The following PCDHGB7 variants were observed in gnomAD, a reference collection of about 807,000 sequenced individuals.
PCDHGB7 encodes protocadherin gamma-B7.
PCDHGB7 carries 37 observed loss-of-function variants against 61.4 expected under a neutral mutation model. That is an observed-to-expected ratio of 0.60 (90% CI 0.46 to 0.79). The LOEUF is 0.79. PCDHGB7 is among the 30% of genes least tolerant of loss of function. PCDHGB7 has a pLI of 0.00. For missense variants in PCDHGB7, 1,166 were observed against 1,202.5 expected, an observed-to-expected ratio of 0.97 and a Z score of 0.45; for synonymous variants, 464 against 503.5, an observed-to-expected ratio of 0.92 and a Z score of 1.05.
intron 1 of PCDHGB7, among the ~76,000 whole-genome samples, chr5:141,453,288 ATTAT>A (rs577328880): frequency 4.0e-5 from 6 of 151,342 alleles, no homozygotes; most frequent in Admixed American, 1.3e-4. Context: ...TAATTTTTTA[ATTAT>A]TTATTTATTT....
chr5:141,444,467 G>A (rs1288596542), intron 1 of PCDHGB7, among the ~76,000 whole-genome samples: 3 of 151,998 alleles, frequency 2.0e-5, no homozygotes, highest in African/African-American at 4.8e-5. Flanking sequence ...CACTGCGCCC[G>A]GTCGCGTACT....
chr5:141,421,312 GC>G, intron 1 of PCDHGB7: 1 of 1,613,748 alleles, frequency 6.2e-7, no homozygotes, highest in Non-Finnish European at 8.5e-7. Flanking sequence ...GGGGTTCCGG[GC>G]CAGGCAGATC....
chr5:141,430,804 G>T, intron 1 of PCDHGB7: 2 of 1,525,868 alleles, frequency 1.3e-6, no homozygotes, highest in Non-Finnish European at 1.8e-6. Context: ...GGCTTGTCCT[G>T]CTGGGAATCC....
chr5:141,429,760 C>T (rs1036499079), intron 1 of PCDHGB7, among the ~76,000 whole-genome samples: 2 of 152,020 alleles, frequency 1.3e-5, no homozygotes, highest in Non-Finnish European at 2.9e-5. Context: ...AATTTTTTCC[C>T]TATATTTTGA....
intron 1 of PCDHGB7, among the ~76,000 whole-genome samples, chr5:141,484,211 G>A (rs1362875959): frequency 6.6e-6 from 1 of 152,158 alleles, no homozygotes; most frequent in Non-Finnish European, 1.5e-5. Context: ...ATGAACATTA[G>A]CATTCTGCCA....
intron 3 of PCDHGB7, among the ~76,000 whole-genome samples, chr5:141,507,784 T>C (rs2099863290): frequency 6.6e-6 from 1 of 152,136 alleles, no homozygotes; most frequent in Non-Finnish European, 1.5e-5. Context: ...GGCCTGACCC[T>C]CGTCTAAGCC....
intron 1 of PCDHGB7, among the ~76,000 whole-genome samples, chr5:141,445,119 T>C (rs975225604): frequency 1.3e-5 from 2 of 152,270 alleles, no homozygotes; most frequent in African/African-American, 4.8e-5. Context: ...TTGTAAATAG[T>C]ATTTTTAAAA....
At chr5:141,496,808 G>A (rs1387209844) in intron 2 of PCDHGB7, among the ~76,000 whole-genome samples, 3 of 151,736 alleles carry the variant, frequency 2.0e-5, no homozygotes, top group South Asian at 4.2e-4. Flanking sequence ...GGCTATAGGA[G>A]TGAACAAGTA....
In PCDHGB7 at chr5:141,432,126, C is replaced by G. The variant is rs750150518; in HGVS notation, c.2415+11852C>G. 12 of 1,614,026 alleles carry G rather than the reference C, an allele frequency of 7.4e-6. No homozygotes were observed. Among genetic ancestry groups the G allele is most frequent in the South Asian group, 4.4e-5 (4 of 91,062 alleles). On this transcript the variant is annotated intron_variant, in intron 1 of 3. Transcript: ENST00000398594. The surrounding 1 kb of genome is among the most constrained non-coding windows in gnomAD (Gnocchi z 6.0). ...AACCCGCCGGTCTTCCCTCAGGCCT[C>G]CTATTCCGCTTATATCCCAGAGAAC...
intron 1 of PCDHGB7, among the ~76,000 whole-genome samples, chr5:141,482,811 C>T (rs1397161943): frequency 2.0e-5 from 3 of 152,164 alleles, no homozygotes; most frequent in Non-Finnish European, 4.4e-5. Context: ...GTGGCTCATG[C>T]CTGTAATCCT....
In PCDHGB7 at chr5:141,485,972, T is replaced by G; in HGVS notation, c.2416-8835T>G. ...CATGGTGCTCATCCAGCTCAATGCC[T>G]CAGACCCGGACCTGGGTCCCAGTGG... On this transcript the variant is annotated intron_variant, in intron 1 of 3. Transcript: ENST00000398594. The surrounding 1 kb of genome is among the most constrained non-coding windows in gnomAD (Gnocchi z 5.7). 1 of 1,614,184 alleles carries G rather than the reference T, an allele frequency of 6.2e-7. No individual in the cohort carries two copies. Among genetic ancestry groups the G allele is most frequent in the Non-Finnish European group, 8.5e-7 (1 of 1,180,022 alleles).
In PCDHGB7 at chr5:141,471,046, CTTT is replaced by C. The variant is rs1170588345; in HGVS notation, c.2416-23743_2416-23741del. ...ATTTTTATTAACAAGCCCAAGCCCT[CTTT>C]TTTTTTTTTTTTTTTTTGAGACAGG... On this transcript the variant is annotated intron_variant, in intron 1 of 3. Coordinates refer to ENST00000398594, the MANE Select transcript of PCDHGB7 (RefSeq NM_018927.4). 4.8e-4 allele frequency among the ~76,000 whole-genome samples: 54 copies of C among 113,240 alleles called. 1 individual carries two copies. Among genetic ancestry groups the C allele is most frequent in the Middle Eastern group, 5.2e-3 (1 of 192 alleles). 74.3% of individuals were successfully genotyped at this position (113,240 alleles called of 152,430 possible).
Position 141,494,803 on chromosome 5 carries a change from A to G in PCDHGB7, c.2416-4A>G. On this transcript the variant is annotated splice_polypyrimidine_tract_variant and splice_region_variant and intron_variant, in intron 1 of 3. Transcript: ENST00000398594. ...CAGCCCCTTTCCCTCTGTTTTCTCC[A>G]CAGCAAGCCCCGCCCAACACGGACT... The G allele has an allele frequency of 6.2e-7, 1 of 1,613,646 alleles. No individual in the cohort carries two copies. Among genetic ancestry groups the G allele is most frequent in the Non-Finnish European group, 8.5e-7 (1 of 1,179,900 alleles).
chr5:141,429,234 T>C (rs2097199038), intron 1 of PCDHGB7: 1 of 152,114 alleles, frequency 6.6e-6, no homozygotes, highest in African/African-American at 2.4e-5. Context: ...ATGATACTGC[T>C]GTCATTGAGA....
chr5:141,432,087 C>G lies in PCDHGB7; in HGVS notation c.2415+11813C>G. On this transcript the variant is annotated intron_variant, in intron 1 of 3. Coordinates refer to ENST00000398594, the MANE Select transcript of PCDHGB7 (RefSeq NM_018927.4). This position sits in a 1 kb window ranked among gnomAD's most constrained non-coding sequence, Gnocchi z 6.0. ...GAAACTCATATCTCGCTGAACGTGG[C>G]AGACACCAACGACAACCCGCCGGTC... 3 of 1,614,178 alleles carry G rather than the reference C, an allele frequency of 1.9e-6. No homozygotes were observed. The highest frequency in any genetic ancestry group is 2.5e-6 in the Non-Finnish European group (3 of 1,180,042).
rs1554116817 is a variant in PCDHGB7 at position 141,423,755 on chromosome 5, G to GGC, written c.2415+3482_2415+3483insCG. 3 of 512,420 alleles carry GGC rather than the reference G, an allele frequency of 5.9e-6. No individual in the cohort carries two copies. The African/African-American group carries it at 8.1e-5, about 14-fold the overall frequency. 31.7% of individuals were successfully genotyped at this position (512,420 alleles called of 1,614,324 possible). A position where few individuals can be genotyped will look rare whatever the true frequency, so the allele number is the denominator to read the frequency against. On this transcript the variant is annotated intron_variant, in intron 1 of 3. Coordinates refer to ENST00000398594, the MANE Select transcript of PCDHGB7 (RefSeq NM_018927.4). ...AGCCTGTTATGAAAACTGTTTGGGGGGGGGGTGGGGCGGCATATATTTAGT... is the reference window on the plus strand; with the variant it reads ...AGCCTGTTATGAAAACTGTTTGGGGGGCGGGGGTGGGGCGGCATATATTTAGT...
At position 141,431,850 on chromosome 5, in the gene PCDHGB7, C is replaced by T; in HGVS notation, c.2415+11576C>T. On this transcript the variant is annotated intron_variant, in intron 1 of 3. Transcript: ENST00000398594. The surrounding 1 kb of genome is among the most constrained non-coding windows in gnomAD (Gnocchi z 4.8). ...GTTCCCGAAAACTCTCCCAGAGGGA[C>T]ATTAATTGCCCTTTTAAATGTAAAT... The T allele has an allele frequency of 1.9e-6, 3 of 1,614,234 alleles. No homozygotes were observed. The highest frequency in any genetic ancestry group is 2.2e-5 in the South Asian group (2 of 91,090).
In PCDHGB7 at chr5:141,487,761, C is replaced by T. The variant is rs1331182183; in HGVS notation, c.2416-7046C>T. Reference sequence around the variant, plus strand: ...GTAAGAGGTAACTATGTGGTAGACGCTGTGCTTTGTAACTGTTTCGTGAAT... The same window carrying T: ...GTAAGAGGTAACTATGTGGTAGACGTTGTGCTTTGTAACTGTTTCGTGAAT... On this transcript the variant is annotated intron_variant, in intron 1 of 3. Coordinates refer to ENST00000398594, the MANE Select transcript of PCDHGB7 (RefSeq NM_018927.4). The surrounding 1 kb of genome is among the most constrained non-coding windows in gnomAD (Gnocchi z 5.0). 3.2e-6 allele frequency: 5 copies of T among 1,545,926 alleles called. No individual in the cohort carries two copies. Among genetic ancestry groups the T allele is most frequent in the South Asian group, 1.2e-5 (1 of 83,534 alleles).
rs756466649 is a variant in PCDHGB7, at chr5:141,495,663, G to A, written c.2474+798G>A. 1.1e-3 allele frequency among the ~76,000 whole-genome samples: 169 copies of A among 152,164 alleles called. 3 individuals are homozygous for A. The highest frequency in any genetic ancestry group is 1.9e-3 in the Admixed American group (29 of 15,272). ...TTGTCTACTTGCATTGATCTGTGCCGCCCACTGTGCCTGCCATGGCATAAG... is the reference window on the plus strand; with the variant it reads ...TTGTCTACTTGCATTGATCTGTGCCACCCACTGTGCCTGCCATGGCATAAG... On this transcript the variant is annotated intron_variant, in intron 2 of 3. Coordinates refer to ENST00000398594, the MANE Select transcript of PCDHGB7 (RefSeq NM_018927.4).
Sources: gnomAD v4.1 joint callset for allele counts (sites outside exome capture counted in the v4.1 genomes callset) on GRCh38, gnomAD v4.1.1 for gene constraint, Gnocchi (gnomAD v3.1) non-coding constraint, MANE v1.5 for transcripts, NCBI Gene and HGNC (gene_info 2026-07-23, HGNC 2026-07-21) for gene names.